Variants in KCNMA1 observed in about 807,000 individuals in gnomAD.
KCNMA1 encodes potassium calcium-activated channel subfamily M alpha 1.
Under a neutral mutation model 140.0 loss-of-function variants are expected in KCNMA1, and 29 were observed. The ratio of observed to expected loss-of-function variants is 0.21; its 90% CI spans 0.15 to 0.28. KCNMA1 has a LOEUF of 0.28. Among genes scored for constraint, KCNMA1 ranks in the 10% least tolerant of loss-of-function variants. The pLI is 1.00. For synonymous variants in KCNMA1, 612 were observed against 611.9 expected (o/e 1.00, Z 0.00); for missense variants, 880 against 1,602.2 (o/e 0.55, Z 7.70).
At chr10:76,938,360 C>A (rs1399292832) in intron 23 of KCNMA1, among the ~76,000 whole-genome samples, 1 of 152,194 alleles carries the variant, frequency 6.6e-6, no homozygotes, top group Non-Finnish European at 1.5e-5. Context: ...CATCCTCTGA[C>A]CCCCAGAAGG....
chr10:77,238,524 A>G (rs1348466995), intron 3 of KCNMA1, among the ~76,000 whole-genome samples: 1 of 152,202 alleles, frequency 6.6e-6, no homozygotes, highest in Non-Finnish European at 1.5e-5. Context: ...AGAGGTAGGA[A>G]GCCCAGGGCC....
At chr10:77,435,210 T>C (rs1275828701) in intron 1 of KCNMA1, among the ~76,000 whole-genome samples, 1 of 152,104 alleles carries the variant, frequency 6.6e-6, no homozygotes, top group East Asian at 1.9e-4. Context: ...AGTGCTGAGA[T>C]TACAGCAATG....
intron 11 of KCNMA1, among the ~76,000 whole-genome samples, chr10:77,085,374 G>T (rs61866983): frequency 6.6e-6 from 1 of 152,034 alleles, no homozygotes; most frequent in African/African-American, 2.4e-5. Flanking sequence ...AGCCCACAGG[G>T]GTTTATTCCT....
At chr10:77,093,436 G>C (rs1422515699) in intron 9 of KCNMA1, among the ~76,000 whole-genome samples, 2 of 152,078 alleles carry the variant, frequency 1.3e-5, no homozygotes, top group African/African-American at 4.8e-5. Context: ...CCTCCATTTT[G>C]TTTTCCATAC....
chr10:77,483,673 A>G (rs1306600356), intron 1 of KCNMA1, among the ~76,000 whole-genome samples: 2 of 152,204 alleles, frequency 1.3e-5, no homozygotes, highest in Non-Finnish European at 2.9e-5. Flanking sequence ...GACACTGGAA[A>G]TAACAGGAGT....
chr10:77,335,027 G>T (rs1044501428), intron 2 of KCNMA1, among the ~76,000 whole-genome samples: 1 of 152,128 alleles, frequency 6.6e-6, no homozygotes, highest in Non-Finnish European at 1.5e-5. Context: ...GACCCTCAGG[G>T]TTAGACTAAA....
downstream of KCNMA1, chr10:76,877,222 C>G (rs1316807360): frequency 6.5e-6 from 1 of 153,470 alleles, no homozygotes; most frequent in Non-Finnish European, 1.5e-5. Context: ...AGGTATTCAC[C>G]TGTCCCCTTA....
chr10:77,205,713 T>C (rs1422885399), intron 3 of KCNMA1, among the ~76,000 whole-genome samples: 1 of 152,200 alleles, frequency 6.6e-6, no homozygotes, highest in Admixed American at 6.5e-5. Context: ...TAACATTAAC[T>C]TTCCTTTGAA....
intron 1 of KCNMA1, among the ~76,000 whole-genome samples, chr10:77,462,626 G>T (rs1191121411): frequency 6.6e-6 from 1 of 152,190 alleles, no homozygotes; most frequent in African/African-American, 2.4e-5. Context: ...ACAGACATGG[G>T]AGCTTTCCCT....
chr10:77,603,096 T>G (rs1032167855), intron 1 of KCNMA1, among the ~76,000 whole-genome samples: 1 of 152,068 alleles, frequency 6.6e-6, no homozygotes, highest in African/African-American at 2.4e-5. Context: ...CATGACAGAC[T>G]TCAGAGGGAA....
chr10:76,949,420 G>A, intron 21 of KCNMA1, 54 bp from the exon 22 acceptor site: 1 of 1,362,764 alleles, frequency 7.3e-7, no homozygotes, highest in Non-Finnish European at 1.0e-6. Flanking sequence ...TAGGGCTGTT[G>A]TAAGGAGTGA....
At chr10:77,130,989 TGAA>T (rs2097847684) in intron 5 of KCNMA1, among the ~76,000 whole-genome samples, 1 of 151,976 alleles carries the variant, frequency 6.6e-6, no homozygotes, top group South Asian at 2.1e-4. Context: ...GAGATCACAG[TGAA>T]GAAGAAAACA....
intron 12 of KCNMA1, 87 bp from the exon 13 acceptor site, chr10:77,079,637 G>A: frequency 1.1e-6 from 1 of 918,520 alleles, no homozygotes; most frequent in Non-Finnish European, 1.8e-6. Flanking sequence ...TCCAAATGGG[G>A]TACCCATGGG....
At chr10:77,547,135 T>C (rs1194186181) in intron 1 of KCNMA1, among the ~76,000 whole-genome samples, 1 of 152,192 alleles carries the variant, frequency 6.6e-6, no homozygotes, top group Non-Finnish European at 1.5e-5. Flanking sequence ...AAATGAAAGA[T>C]GCTAATAGCA....
At chr10:77,244,705 A>C (rs1241554075) in intron 3 of KCNMA1, among the ~76,000 whole-genome samples, 1 of 152,202 alleles carries the variant, frequency 6.6e-6, no homozygotes, top group Non-Finnish European at 1.5e-5. Context: ...ATTCCTGAAC[A>C]AATGGCAATA....
In KCNMA1 at chr10:76,980,904, C is replaced by T. The variant is rs371380601; in HGVS notation, c.2267-10837G>A. Reference sequence around the variant, plus strand: ...TTAAAGCCACATTGTTGGGTCTGAACCTAGGTATTTGGCAAATTATCTAAC... The same window carrying T: ...TTAAAGCCACATTGTTGGGTCTGAATCTAGGTATTTGGCAAATTATCTAAC... On this transcript the variant is annotated intron_variant, in intron 19 of 27. Transcript: ENST00000286628. Among the ~76,000 whole-genome samples the T allele has an allele frequency of 2.1e-4, 32 of 152,216 alleles. No homozygotes were observed. The South Asian group carries it at 6.4e-3, about 31-fold the overall frequency.
chr10:77,076,174 T>TG (rs35879581), intron 13 of KCNMA1, among the ~76,000 whole-genome samples: 27,676 of 151,704 alleles, frequency 0.18, 3,027 homozygotes, highest in Middle Eastern at 0.26. Flanking sequence ...GGGTGGACAG[T>TG]GGAAAAAAAA....
intron 19 of KCNMA1, among the ~76,000 whole-genome samples, chr10:76,997,467 C>T (rs927995134): frequency 6.6e-6 from 1 of 152,170 alleles, no homozygotes; most frequent in African/African-American, 2.4e-5. Context: ...TTTGTTTGTG[C>T]CAGAGTTACT....
chr10:77,476,153 T>C (rs2098273191), intron 1 of KCNMA1, among the ~76,000 whole-genome samples: 1 of 152,242 alleles, frequency 6.6e-6, no homozygotes, highest in Non-Finnish European at 1.5e-5. Context: ...AGGATGAGGC[T>C]GCTGGGAGCA....
Sources: gnomAD v4.1 joint callset for allele counts (sites outside exome capture counted in the v4.1 genomes callset) on GRCh38, gnomAD v4.1.1 for gene constraint, MANE v1.5 for transcripts, NCBI Gene and HGNC (gene_info 2026-07-23, HGNC 2026-07-21) for gene names.